PRICKLE1: variants seen among roughly 807,000 people sequenced by gnomAD.
PRICKLE1 encodes prickle planar cell polarity protein 1.
PRICKLE1 carries 14 observed loss-of-function variants against 70.2 expected under a neutral mutation model. The observed-to-expected ratio is 0.20, with a 90% confidence interval of 0.13 to 0.31. The LOEUF (loss-of-function observed/expected upper bound fraction) is 0.31, where lower values mean the gene tolerates loss of function less well. Ranked by LOEUF, PRICKLE1 falls within the 10% of genes least tolerant of loss-of-function variation. The pLI is 1.00. For synonymous variants in PRICKLE1, 357 were observed against 379.9 expected, an observed-to-expected ratio of 0.94 and a Z score of 0.70; for missense variants, 821 against 1,026.2, an observed-to-expected ratio of 0.80 and a Z score of 2.73.
chr12:42,475,026 G>GA (rs1449376650), intron 1 of PRICKLE1, among the ~76,000 whole-genome samples: 2 of 152,166 alleles, frequency 1.3e-5, no homozygotes, highest in Non-Finnish European at 2.9e-5. Flanking sequence ...GCCTTTTTGT[G>GA]AAAAATGTGC....
At chr12:42,562,157 G>A (rs1422813626) in intron 1 of PRICKLE1, among the ~76,000 whole-genome samples, 2 of 151,966 alleles carry the variant, frequency 1.3e-5, no homozygotes, top group Non-Finnish European at 2.9e-5. Flanking sequence ...TGATCCGCTC[G>A]CCTTGGTCTC....
chr12:42,477,502 A>G (rs1366787537), intron 1 of PRICKLE1, among the ~76,000 whole-genome samples: 359 of 23,684 alleles, frequency 0.015, 6 homozygotes, highest in Non-Finnish European at 0.018. Flanking sequence ...ATATATATAT[A>G]TATATATATA....
At chr12:42,467,416 G>C (rs752656547) in intron 5 of PRICKLE1, among the ~76,000 whole-genome samples, 7 of 122,828 alleles carry the variant, frequency 5.7e-5, no homozygotes, top group Non-Finnish European at 1.1e-4. Context: ...AGCCCGGCAG[G>C]TTCTTTCATT....
In PRICKLE1 at chr12:42,460,293, T is replaced by A. The variant is rs1555229335; in HGVS notation, c.2012A>T (p.His671Leu). The change falls in exon 8 of 8, where the codon CAT becomes CTT. Residue 671 changes from histidine to leucine, a missense_variant. By Grantham distance (99) the His-to-Leu change is moderately conservative. Coordinates refer to ENST00000345127, the MANE Select transcript of PRICKLE1 (RefSeq NM_153026.3). ...YNFEERGSRS[H>L]HHRRRRSRKS... is the part of the protein sequence containing the mutation. ...TCTACTTCTCCGGCGGCGGTGGTGATGAGACCTGGATCCCCTCTCTTCAAA... is the reference window on the plus strand; with the variant it reads ...TCTACTTCTCCGGCGGCGGTGGTGAAGAGACCTGGATCCCCTCTCTTCAAA... The A allele has an allele frequency of 1.2e-6, 2 of 1,614,180 alleles. No individual in the cohort carries two copies. Among genetic ancestry groups the A allele is most frequent in the Non-Finnish European group, 1.7e-6 (2 of 1,180,040 alleles).
In PRICKLE1 at chr12:42,521,533, CTACAAAAAT is replaced by C. The variant is rs892609327; in HGVS notation, c.-48-48978_-48-48970del. Among the ~76,000 whole-genome samples, 86 of 152,182 alleles carry C rather than the reference CTACAAAAAT, an allele frequency of 5.7e-4. 1 individual carries two copies. Among genetic ancestry groups the C allele is most frequent in the South Asian group, 3.7e-3 (18 of 4,816 alleles). On this transcript the variant is annotated intron_variant, in intron 1 of 7. Coordinates refer to ENST00000345127, the MANE Select transcript of PRICKLE1 (RefSeq NM_153026.3). ...TGGGCAACCTGGTGAAACCCTGTCT[CTACAAAAAT>C]TACAAAAATTAGCCTGGCATGGTGG...
intron 1 of PRICKLE1, among the ~76,000 whole-genome samples, chr12:42,562,955 C>T (rs757049248): frequency 7.9e-5 from 12 of 151,934 alleles, no homozygotes; most frequent in Non-Finnish European, 1.3e-4. Context: ...TTTGGGAGGC[C>T]GAGGCGGGCC....
intron 1 of PRICKLE1, among the ~76,000 whole-genome samples, chr12:42,478,768 A>G (rs1446213444): frequency 6.6e-6 from 1 of 150,918 alleles, no homozygotes. Flanking sequence ...TCATGGGGCT[A>G]TTCCATGCAA....
At chr12:42,555,595 T>C (rs1940401564) in intron 1 of PRICKLE1, among the ~76,000 whole-genome samples, 1 of 152,176 alleles carries the variant, frequency 6.6e-6, no homozygotes, top group Admixed American at 6.5e-5. Context: ...TTTCAATGTT[T>C]TGTTGAGTTT....
chr12:42,470,175 G>T, intron 3 of PRICKLE1, 71 bp downstream of exon 3: 4 of 1,143,710 alleles, frequency 3.5e-6, no homozygotes, highest in South Asian at 2.5e-5. Context: ...TGGGGTTTAT[G>T]AGCAGCATCT....
chr12:42,469,594 A>G lies in PRICKLE1; in HGVS notation c.247-7T>C. ...AAGACTGGCAATACCGTACCTTCAC[A>G]GAAAGCAAAACAGAAACACCACACT... is the stretch of plus-strand genomic sequence containing the variant. On this transcript the variant is annotated splice_region_variant and splice_polypyrimidine_tract_variant and intron_variant, in intron 3 of 7. Coordinates refer to ENST00000345127, the MANE Select transcript of PRICKLE1 (RefSeq NM_153026.3). 2 of 1,614,010 alleles carry G rather than the reference A, an allele frequency of 1.2e-6. No homozygotes were observed. The highest frequency in any genetic ancestry group is 1.7e-6 in the Non-Finnish European group (2 of 1,180,030).
At chr12:42,514,859 T>A (rs2120421290) in intron 1 of PRICKLE1, among the ~76,000 whole-genome samples, 1 of 151,724 alleles carries the variant, frequency 6.6e-6, no homozygotes, top group East Asian at 1.9e-4. Flanking sequence ...CATACTGATC[T>A]TACTACTCTA....
At position 42,460,577 on chromosome 12, in the gene PRICKLE1, C is replaced by A; in HGVS notation, c.1728G>T (p.Lys576Asn). 6.2e-7 allele frequency: 1 copy of A among 1,614,032 alleles called. No individual in the cohort carries two copies. The highest frequency in any genetic ancestry group is 8.5e-7 in the Non-Finnish European group (1 of 1,180,034). Residue 576 changes from lysine to asparagine, a missense_variant, in exon 8 of 8, where the codon AAG becomes AAT. By Grantham distance (94) the Lys-to-Asn change is moderately conservative. Transcript: ENST00000345127. Reference sequence around the variant, plus strand: ...AGTTCAAAGTTCCCATATTGCTCATCTTCTCACAATCTTCTGTTTCCATCT... The same window carrying A: ...AGTTCAAAGTTCCCATATTGCTCATATTCTCACAATCTTCTGTTTCCATCT... The part of the protein sequence containing the change: ...FEEMETEDCE[K>N]MSNMGTLNSS...
At position 42,569,421 on chromosome 12, in the gene PRICKLE1, C is replaced by A. The variant is rs115926846; in HGVS notation, c.-49+20044G>T. Among the ~76,000 whole-genome samples the A allele has an allele frequency of 2.8e-3, 432 of 152,298 alleles. 1 individual carries two copies. The highest frequency in any genetic ancestry group is 9.7e-3 in the African/African-American group (405 of 41,550). ...ATGCATTTCTTTTAAGAGGAAATGT[C>A]ATTTCAAGTTTGTTGAAGACTGCCA... On this transcript the variant is annotated intron_variant, in intron 1 of 7. Transcript: ENST00000345127.
At chr12:42,509,984 A>G (rs1296243956) in intron 1 of PRICKLE1, among the ~76,000 whole-genome samples, 1 of 151,838 alleles carries the variant, frequency 6.6e-6, no homozygotes, top group African/African-American at 2.4e-5. Context: ...GATGCAGGAG[A>G]ATTGCTTGAA....
At chr12:42,499,334 T>C (rs1939263708) in intron 1 of PRICKLE1, among the ~76,000 whole-genome samples, 1 of 152,204 alleles carries the variant, frequency 6.6e-6, no homozygotes, top group Non-Finnish European at 1.5e-5. Context: ...GTTTTTAAAG[T>C]AGAGCTTCCT....
At chr12:42,546,710 T>A (rs1277506354) in intron 1 of PRICKLE1, among the ~76,000 whole-genome samples, 1 of 152,176 alleles carries the variant, frequency 6.6e-6, no homozygotes, top group East Asian at 1.9e-4. Context: ...GCCGAGATCA[T>A]GCCACTGTAC....
Position 42,460,486 on chromosome 12 carries a change from T to A in PRICKLE1, c.1819A>T (p.Ile607Phe), listed in dbSNP as rs766728682. 1 of 1,613,708 alleles carries A rather than the reference T, an allele frequency of 6.2e-7. No homozygotes were observed. The highest frequency in any genetic ancestry group is 1.1e-5 in the South Asian group (1 of 91,074). The change falls in exon 8 of 8, where the codon ATC becomes TTC. Residue 607 changes from isoleucine to phenylalanine, a missense_variant. Physicochemically the swap from Ile to Phe is conservative, Grantham distance 21. Transcript: ENST00000345127. ...TGTACTGGCTTCTCTTCAGGCAGGA[T>A]TTTCTCTGGACACAACTCTGAACTT... is the stretch of plus-strand genomic sequence containing the variant. The part of the protein sequence containing the change: ...SLSSELCPEK[I>F]LPEEKPVHLP...
At chr12:42,555,103 G>T (rs1033641526) in intron 1 of PRICKLE1, among the ~76,000 whole-genome samples, 1 of 152,082 alleles carries the variant, frequency 6.6e-6, no homozygotes, top group African/African-American at 2.4e-5. Flanking sequence ...AGGAGCTCGA[G>T]ACCAGACTGG....
intron 1 of PRICKLE1, among the ~76,000 whole-genome samples, chr12:42,542,849 C>G (rs1940140942): frequency 1.3e-5 from 2 of 152,146 alleles, no homozygotes; most frequent in African/African-American, 4.8e-5. Context: ...TTGCTATGGT[C>G]TGAATGTTTG....
Sources: allele counts gnomAD v4.1 joint callset (sites outside exome capture counted in the v4.1 genomes callset), GRCh38; gene constraint gnomAD v4.1.1; transcripts MANE v1.5; gene names NCBI Gene and HGNC (gene_info 2026-07-23, HGNC 2026-07-21).